Variants in ADGRL2 observed in about 807,000 individuals in gnomAD.
ADGRL2 encodes calcium-independent alpha-latrotoxin receptor 2.
In ADGRL2, 44 loss-of-function variants were observed where a neutral mutation model predicts 157.4. The ratio of observed to expected loss-of-function variants is 0.28; its 90% CI spans 0.22 to 0.36. The LOEUF (loss-of-function observed/expected upper bound fraction) is 0.36, where lower values mean the gene tolerates loss of function less well. Ranked by LOEUF, ADGRL2 falls within the 10% of genes least tolerant of loss-of-function variation. The pLI is 1.00. For missense variants in ADGRL2, 1,510 were observed against 1,768.9 expected (o/e 0.85, Z 2.63); for synonymous variants, 585 against 624.7 (o/e 0.94, Z 0.95).
intron 2 of ADGRL2, among the ~76,000 whole-genome samples, chr1:81,766,432 G>C (rs866034991): frequency 2.6e-5 from 4 of 152,000 alleles, no homozygotes; most frequent in Non-Finnish European, 1.5e-5. Context: ...AGATATTTTT[G>C]ATGTGTTATT....
intron 2 of ADGRL2, among the ~76,000 whole-genome samples, chr1:81,848,834 A>G (rs2092898899): frequency 6.6e-6 from 1 of 151,964 alleles, no homozygotes; most frequent in Admixed American, 6.6e-5. Context: ...AAAACCTGTA[A>G]CAATTATAAC....
chr1:81,906,592 A>G (rs1325203315), intron 2 of ADGRL2, among the ~76,000 whole-genome samples: 1 of 152,194 alleles, frequency 6.6e-6, no homozygotes, highest in Non-Finnish European at 1.5e-5. Flanking sequence ...ATAGCAATTA[A>G]TATGTATACA....
At chr1:81,846,092 C>T (rs775477463) in intron 2 of ADGRL2, among the ~76,000 whole-genome samples, 8 of 151,694 alleles carry the variant, frequency 5.3e-5, no homozygotes, top group Non-Finnish European at 1.2e-4. Flanking sequence ...AATTTAAAAT[C>T]AAGTGAACTA....
intron 1 of ADGRL2, among the ~76,000 whole-genome samples, chr1:81,388,254 GA>G (rs1429927732): frequency 6.6e-6 from 1 of 152,056 alleles, no homozygotes; most frequent in Admixed American, 6.6e-5. Context: ...TTTTATTCAG[GA>G]GGATTCCTTG....
At chr1:81,466,895 C>T (rs187705606) in intron 2 of ADGRL2, among the ~76,000 whole-genome samples, 4 of 152,154 alleles carry the variant, frequency 2.6e-5, no homozygotes, top group African/African-American at 7.2e-5. Flanking sequence ...ATTCCCAGGC[C>T]TGTTCTTATA....
rs1054546154 is a variant in ADGRL2, at chr1:81,992,574, A to G, written c.*1429A>G. 4 of 152,218 alleles carry G rather than the reference A, an allele frequency of 2.6e-5. No homozygotes were observed. The highest frequency in any genetic ancestry group is 4.4e-5 in the Non-Finnish European group (3 of 68,034). The allele number at this position is 152,218 out of a possible 1,614,324, so 9.4% of individuals were successfully genotyped here. On this transcript the variant is annotated 3_prime_UTR_variant, in exon 24 of 24. Coordinates refer to ENST00000686636, the MANE Select transcript of ADGRL2 (RefSeq NM_001366006.2). ...GTTTGTTCTTTATGCTGAAAGGAAT[A>G]TATGTCTTCCAATTGCCCACTACAT...
At chr1:81,486,030 C>CA (rs1235723171) in intron 2 of ADGRL2, among the ~76,000 whole-genome samples, 3 of 152,176 alleles carry the variant, frequency 2.0e-5, no homozygotes, top group African/African-American at 7.2e-5. Context: ...AGCCACTGTG[C>CA]TAATATTCTT....
chr1:81,760,224 A>G (rs1198367889), intron 1 of ADGRL2, among the ~76,000 whole-genome samples: 4 of 152,096 alleles, frequency 2.6e-5, no homozygotes, highest in African/African-American at 9.7e-5. Flanking sequence ...TTGGTTGTAA[A>G]TTTGACTACA....
intron 1 of ADGRL2, among the ~76,000 whole-genome samples, chr1:81,402,933 T>G (rs369875479): frequency 6.6e-6 from 1 of 152,224 alleles, no homozygotes; most frequent in South Asian, 2.1e-4. Flanking sequence ...GTGCCAGAGA[T>G]AAAAGAATAA....
chr1:81,859,969 G>A (rs1331230239), intron 2 of ADGRL2, among the ~76,000 whole-genome samples: 2 of 151,690 alleles, frequency 1.3e-5, no homozygotes, highest in Non-Finnish European at 2.9e-5. Flanking sequence ...CTCACACCTG[G>A]AATTCCAGCA....
chr1:81,687,148 A>G (rs1370942121), intron 3 of ADGRL2, among the ~76,000 whole-genome samples: 3 of 152,160 alleles, frequency 2.0e-5, no homozygotes, highest in Non-Finnish European at 2.9e-5. Context: ...ATATCTGTTA[A>G]GTCCATTTGT....
intron 1 of ADGRL2, among the ~76,000 whole-genome samples, chr1:81,383,676 A>C (rs1252778032): frequency 6.8e-6 from 1 of 147,568 alleles, no homozygotes; most frequent in Admixed American, 6.6e-5. Flanking sequence ...AAAAAAAAAA[A>C]AGAAGGCCGG....
chr1:81,338,990 T>G (rs1410866690), intron 1 of ADGRL2, among the ~76,000 whole-genome samples: 1 of 152,228 alleles, frequency 6.6e-6, no homozygotes, highest in Non-Finnish European at 1.5e-5. Context: ...TTCATCTGCC[T>G]TGTGGCACTA....
In ADGRL2 at chr1:81,991,276, G is replaced by C; in HGVS notation, c.*131G>C. 1.2e-6 allele frequency: 1 copy of C among 813,520 alleles called. No individual in the cohort carries two copies. Among genetic ancestry groups the C allele is most frequent in the Non-Finnish European group, 1.9e-6 (1 of 523,172 alleles). The allele number at this position is 813,520 out of a possible 1,614,324, so 50.4% of individuals were successfully genotyped here. On this transcript the variant is annotated 3_prime_UTR_variant, in exon 24 of 24. Transcript: ENST00000686636. ...ACCTGTGGTTCTCTGGTGTAAAAAAGATGACTGAACCTTGCAGTTCTGTGA... is the reference window on the plus strand; with the variant it reads ...ACCTGTGGTTCTCTGGTGTAAAAAACATGACTGAACCTTGCAGTTCTGTGA...
intron 2 of ADGRL2, among the ~76,000 whole-genome samples, chr1:81,474,958 A>C (rs768215911): frequency 2.2e-4 from 34 of 152,270 alleles, no homozygotes; most frequent in South Asian, 1.0e-3. Context: ...TATAGTTCCT[A>C]ACCTTTTCTA....
At chr1:81,403,241 TG>T (rs750521802) in intron 1 of ADGRL2, among the ~76,000 whole-genome samples, 37,480 of 120,314 alleles carry the variant, frequency 0.31, 5,502 homozygotes, top group Non-Finnish European at 0.45. Flanking sequence ...TTTTTTTTGT[TG>T]TTGTTTGTTT....
rs563943359 is a variant in ADGRL2 at position 81,811,778 on chromosome 1, A to G, written c.-101+10710A>G. Among the ~76,000 whole-genome samples the G allele has an allele frequency of 5.3e-5, 8 of 151,942 alleles. No individual in the cohort carries two copies. In the South Asian group the frequency reaches 1.2e-3, roughly 24 times the overall value. On this transcript the variant is annotated intron_variant, in intron 1 of 23. Coordinates refer to ENST00000686636, the MANE Select transcript of ADGRL2 (RefSeq NM_001366006.2). ...ACAGTTAGCACTGCATTCATTTAAA[A>G]TTGATCTTTTATCTTTGATTTTAAA...
intron 2 of ADGRL2, among the ~76,000 whole-genome samples, chr1:81,838,214 A>G (rs899743738): frequency 6.6e-6 from 1 of 151,972 alleles, no homozygotes; most frequent in African/African-American, 2.4e-5. Flanking sequence ...CCAAAGTTAT[A>G]TTTTATCATG....
intron 2 of ADGRL2, among the ~76,000 whole-genome samples, chr1:81,554,508 T>A (rs1218743791): frequency 1.3e-5 from 2 of 152,108 alleles, no homozygotes; most frequent in Non-Finnish European, 2.9e-5. Context: ...AAAAAATTTT[T>A]GAATGTAATA....
Sources: gnomAD v4.1 joint callset for allele counts (sites outside exome capture counted in the v4.1 genomes callset) on GRCh38, gnomAD v4.1.1 for gene constraint, MANE v1.5 for transcripts, NCBI Gene and HGNC (gene_info 2026-07-23, HGNC 2026-07-21) for gene names.